The following ATF7IP2 variants were observed in gnomAD, a reference collection of about 807,000 sequenced individuals.
ATF7IP2 encodes the protein activating transcription factor 7 interacting protein 2.
A neutral mutation model predicts 64.2 loss-of-function variants in ATF7IP2; 42 were observed. That is an observed-to-expected ratio of 0.65 (90% confidence interval 0.51 to 0.85). The LOEUF (loss-of-function observed/expected upper bound fraction) is 0.85. Among genes scored for constraint, ATF7IP2 ranks in the 40% least tolerant of loss-of-function variants. ATF7IP2 has a pLI of 0.00. For missense variants in ATF7IP2, 933 were observed against 784.2 expected (o/e 1.19, Z -2.27); for synonymous variants, 308 against 272.8 (o/e 1.13, Z -1.27).
chr16:10,402,074 C>G (rs2047546600), intron 1 of ATF7IP2, among the ~76,000 whole-genome samples: 1 of 151,852 alleles, frequency 6.6e-6, no homozygotes, highest in Non-Finnish European at 1.5e-5. Context: ...TTTATTGATA[C>G]TTCTTTTTGG....
chr16:10,420,592 C>T (rs975668843), intron 3 of ATF7IP2, among the ~76,000 whole-genome samples: 13 of 152,156 alleles, frequency 8.5e-5, no homozygotes, highest in African/African-American at 3.1e-4. Flanking sequence ...CATTTGATTC[C>T]CTGCAGTCCA....
intron 12 of ATF7IP2, among the ~76,000 whole-genome samples, chr16:10,478,341 A>G (rs2050087258): frequency 6.6e-6 from 1 of 152,002 alleles, no homozygotes; most frequent in South Asian, 2.1e-4. Flanking sequence ...GCCCTCAGAA[A>G]TAACGCCACA....
rs181532032 is a variant in ATF7IP2 at position 10,468,403 on chromosome 16, A to G, written c.1353-3707A>G. Among the ~76,000 whole-genome samples, 9 of 152,326 alleles carry G rather than the reference A, an allele frequency of 5.9e-5. No homozygotes were observed. In the East Asian group the frequency reaches 1.5e-3, roughly 26 times the overall value. On this transcript the variant is annotated intron_variant, in intron 9 of 13. Coordinates refer to ENST00000562102, the MANE Select transcript of ATF7IP2 (RefSeq NM_001393719.1). ...CAGCTACAGGAACTGACATTTTGCT[A>G]TAAACAAGGCAAATCAGGCTGAAAA...
chr16:10,414,149 T>A (rs1029909356), intron 1 of ATF7IP2, among the ~76,000 whole-genome samples: 8 of 152,180 alleles, frequency 5.3e-5, no homozygotes, highest in African/African-American at 1.9e-4. Flanking sequence ...CCCGGGAAGT[T>A]TTCCTTGACT....
chr16:10,472,192 T>C lies in ATF7IP2; in HGVS notation c.1426+9T>C, dbSNP rs2049826752. 4 of 1,474,858 alleles carry C rather than the reference T, an allele frequency of 2.7e-6. No homozygotes were observed. The highest frequency in any genetic ancestry group is 2.3e-5 in the East Asian group (1 of 42,972). 91.4% of individuals were successfully genotyped at this position (1,474,858 alleles called of 1,614,324 possible). A position where few individuals can be genotyped will look rare whatever the true frequency, so the allele number is the denominator to read the frequency against. On this transcript the variant is annotated intron_variant, in intron 10 of 13. Coordinates refer to ENST00000562102, the MANE Select transcript of ATF7IP2 (RefSeq NM_001393719.1). The stretch of plus-strand genomic sequence containing the variant: ...TACATCAAATCCAACAGGTATCTTA[T>C]AGCTGATTAGAATATGATCTATCAA...
At chr16:10,406,428 G>A (rs912248402) in intron 1 of ATF7IP2, among the ~76,000 whole-genome samples, 3 of 152,064 alleles carry the variant, frequency 2.0e-5, no homozygotes, top group African/African-American at 7.2e-5. Context: ...TTAACCTAAT[G>A]ATGCATCTTA....
intron 3 of ATF7IP2, among the ~76,000 whole-genome samples, chr16:10,423,647 G>A (rs1338982866): frequency 1.3e-5 from 2 of 152,166 alleles, no homozygotes; most frequent in African/African-American, 2.4e-5. Context: ...AAAATAATGA[G>A]GGGGTGCAGA....
intron 8 of ATF7IP2, among the ~76,000 whole-genome samples, chr16:10,444,046 G>A (rs2048719721): frequency 6.6e-6 from 1 of 152,150 alleles, no homozygotes; most frequent in African/African-American, 2.4e-5. Flanking sequence ...GGTTCTGTGT[G>A]TTCTAGAGGG....
intron 9 of ATF7IP2, among the ~76,000 whole-genome samples, chr16:10,464,234 G>A (rs894327307): frequency 1.3e-5 from 2 of 151,958 alleles, no homozygotes; most frequent in Non-Finnish European, 2.9e-5. Context: ...ATGTACTTTT[G>A]TATACATTAT....
rs1274507064 is a variant in ATF7IP2 at position 10,467,594 on chromosome 16, G to T, written c.1353-4516G>T. On this transcript the variant is annotated intron_variant, in intron 9 of 13. Transcript: ENST00000562102. ...ATCAATTTTTTTTTTTTTTTGAGATGGATTTTCTCTGTCACCCAGGCTGGA... is the reference window on the plus strand; with the variant it reads ...ATCAATTTTTTTTTTTTTTTGAGATTGATTTTCTCTGTCACCCAGGCTGGA... Among the ~76,000 whole-genome samples, 5 of 147,094 alleles carry T rather than the reference G, an allele frequency of 3.4e-5. No individual in the cohort carries two copies. In the East Asian group the frequency reaches 5.9e-4, roughly 17 times the overall value.
At chr16:10,391,994 GA>G (rs1230176781) in intron 1 of ATF7IP2, among the ~76,000 whole-genome samples, 3 of 149,792 alleles carry the variant, frequency 2.0e-5, no homozygotes, top group Non-Finnish European at 4.4e-5. Context: ...AAATTGTGTT[GA>G]AATGGAAAAA....
chr16:10,394,022 C>A (rs1298852745), intron 1 of ATF7IP2, among the ~76,000 whole-genome samples: 2 of 152,100 alleles, frequency 1.3e-5, no homozygotes, highest in Non-Finnish European at 2.9e-5. Flanking sequence ...ATAGAGAGAC[C>A]TATCTCTAAA....
chr16:10,405,891 A>T (rs1409316473), intron 1 of ATF7IP2, among the ~76,000 whole-genome samples: 1 of 152,164 alleles, frequency 6.6e-6, no homozygotes, highest in Non-Finnish European at 1.5e-5. Context: ...TCAGGAGTTC[A>T]TAACCAGCCT....
chr16:10,392,909 C>A (rs879360219), intron 1 of ATF7IP2, among the ~76,000 whole-genome samples: 11 of 151,876 alleles, frequency 7.2e-5, no homozygotes, highest in African/African-American at 2.7e-4. Context: ...TTGTTTGAGT[C>A]CCGGAGGTTG....
chr16:10,421,649 G>T (rs1316602993), intron 3 of ATF7IP2, among the ~76,000 whole-genome samples: 1 of 152,180 alleles, frequency 6.6e-6, no homozygotes, highest in Non-Finnish European at 1.5e-5. Context: ...ACCAGCACAA[G>T]AAATCAAAAT....
chr16:10,390,098 GTTTT>G (rs1157518416), intron 1 of ATF7IP2, among the ~76,000 whole-genome samples: 3 of 151,844 alleles, frequency 2.0e-5, no homozygotes, highest in African/African-American at 7.3e-5. Flanking sequence ...CAGTTCAGTA[GTTTT>G]TTTTAATTTA....
chr16:10,468,882 A>G (rs1317002050), intron 9 of ATF7IP2, among the ~76,000 whole-genome samples: 2 of 152,182 alleles, frequency 1.3e-5, no homozygotes, highest in African/African-American at 4.8e-5. Context: ...TTATAATCAG[A>G]AGTAACAGGT....
chr16:10,458,913 C>T (rs13338937), intron 9 of ATF7IP2, among the ~76,000 whole-genome samples: 6,332 of 152,236 alleles, frequency 0.042, 465 homozygotes, highest in African/African-American at 0.15. Context: ...TGGCTGGGCG[C>T]GGTGGCTCAC....
chr16:10,475,080 A>G (rs1205004582), intron 12 of ATF7IP2, among the ~76,000 whole-genome samples: 1 of 152,216 alleles, frequency 6.6e-6, no homozygotes, highest in Non-Finnish European at 1.5e-5. Context: ...TGTTGCCAGC[A>G]GACCTTTGCT....
Sources: allele counts gnomAD v4.1 joint callset (sites outside exome capture counted in the v4.1 genomes callset), GRCh38; gene constraint gnomAD v4.1.1; transcripts MANE v1.5; gene names NCBI Gene and HGNC (gene_info 2026-07-23, HGNC 2026-07-21).